The following ELFN2 variants were observed in gnomAD, a reference collection of about 807,000 sequenced individuals.
The protein encoded by ELFN2 is extracellular leucine rich repeat and fibronectin type III domain containing 2, also known as protein phosphatase 1 regulatory subunit 29.
Under a neutral mutation model 45.5 loss-of-function variants are expected in ELFN2, and 17 were observed. The ratio of observed to expected loss-of-function variants is 0.37; its 90% confidence interval spans 0.26 to 0.56. ELFN2 has a LOEUF of 0.56. ELFN2 is among the 20% of genes least tolerant of loss of function. The pLI is 0.77. For missense variants in ELFN2, 922 were observed against 1,183.2 expected, an observed-to-expected ratio of 0.78 and a Z score of 3.24; for synonymous variants, 550 against 551.5, an observed-to-expected ratio of 1.00 and a Z score of 0.04.
rs553578089 is a variant in ELFN2 at position 37,349,369 on chromosome 22, C to T, written n.149-6666G>A. Among the ~76,000 whole-genome samples the T allele has an allele frequency of 4.4e-4, 67 of 151,332 alleles. 1 individual carries two copies. The highest frequency in any genetic ancestry group is 1.6e-3 in the African/African-American group (66 of 41,510). On this transcript the variant is annotated intron_variant and non_coding_transcript_variant, in intron 1 of 2. Coordinates refer to ENST00000452946, the Ensembl canonical transcript of ELFN2. ...GGCCCAGCCCTGGGGATCCACGGTG[C>T]CCCCGGCCCAGATTCCCTGCACCTG...
intron 2 of ELFN2, among the ~76,000 whole-genome samples, chr22:37,403,749 G>A (rs1418633306): frequency 6.6e-6 from 1 of 152,230 alleles, no homozygotes; most frequent in Admixed American, 6.5e-5. Flanking sequence ...CCCAAACGAG[G>A]TCTCACACAG....
Position 37,418,119 on chromosome 22 carries a change from G to C in ELFN2, c.-613-200C>G, listed in dbSNP as rs60291349. Among the ~76,000 whole-genome samples, 705 of 152,238 alleles carry C rather than the reference G, an allele frequency of 4.6e-3. 27 individuals are homozygous for C. The East Asian group carries it at 0.1, about 22-fold the overall frequency. ...ACAGAGAGGAGGTAAAGGGAGAGGAGGAATGGAGGGAGATGGAAGAGAGAT... is the reference window on the plus strand; with the variant it reads ...ACAGAGAGGAGGTAAAGGGAGAGGACGAATGGAGGGAGATGGAAGAGAGAT... On this transcript the variant is annotated intron_variant, in intron 1 of 2. Transcript: ENST00000402918.
chr22:37,418,929 T>G (rs1311699615), intron 1 of ELFN2: 1 of 151,894 alleles, frequency 6.6e-6, no homozygotes, highest in Non-Finnish European at 1.5e-5. Context: ...GAACCTCGTC[T>G]CCATCTGCGC....
intron 1 of ELFN2, among the ~76,000 whole-genome samples, chr22:37,350,367 G>A (rs551499976): frequency 9.4e-5 from 14 of 149,448 alleles, no homozygotes; most frequent in Non-Finnish European, 1.7e-4. Context: ...CCTCTGGTAC[G>A]CAGTGTGCAG....
intron 2 of ELFN2, among the ~76,000 whole-genome samples, chr22:37,408,976 A>T (rs1224391598): frequency 6.6e-6 from 1 of 152,220 alleles, no homozygotes; most frequent in Non-Finnish European, 1.5e-5. Context: ...GGCAAGAGAC[A>T]GAGCTGCAAT....
At chr22:37,390,617 G>A (rs1421226045) in intron 2 of ELFN2, among the ~76,000 whole-genome samples, 1 of 152,172 alleles carries the variant, frequency 6.6e-6, no homozygotes, top group African/African-American at 2.4e-5. Flanking sequence ...AGCTGCAAAG[G>A]CCTGGGCAGG....
Position 37,400,371 on chromosome 22 carries a change from C to G in ELFN2, c.-463+17398G>C, listed in dbSNP as rs180762060. Among the ~76,000 whole-genome samples, 336 of 152,330 alleles carry G rather than the reference C, an allele frequency of 2.2e-3. 4 individuals are homozygous for G. The highest frequency in any genetic ancestry group is 7.9e-3 in the African/African-American group (327 of 41,582). Reference sequence around the variant, plus strand: ...GTCCCCTCCCCTCACCCCCGGAGGCCCACACACCTGTGCCTGAGGAGCACC... The same window carrying G: ...GTCCCCTCCCCTCACCCCCGGAGGCGCACACACCTGTGCCTGAGGAGCACC... On this transcript the variant is annotated intron_variant, in intron 2 of 2. Coordinates refer to ENST00000402918, the MANE Select transcript of ELFN2 (RefSeq NM_052906.5).
At chr22:37,365,347 G>A (rs2145625096), downstream of ELFN2, among the ~76,000 whole-genome samples, 1 of 152,286 alleles carries the variant, frequency 6.6e-6, no homozygotes, top group Admixed American at 6.5e-5. Context: ...TCCTGGCCCA[G>A]TAGCTACAAG....
At chr22:37,415,823 G>A (rs1300232194) in intron 2 of ELFN2, among the ~76,000 whole-genome samples, 7 of 152,136 alleles carry the variant, frequency 4.6e-5, no homozygotes, top group Admixed American at 2.6e-4. Context: ...TTAGCCAGGC[G>A]TGGTGGCACG....
chr22:37,373,260 G>A lies in ELFN2; in HGVS notation c.2275C>T (p.Pro759Ser). 6.2e-7 allele frequency: 1 copy of A among 1,613,868 alleles called. No homozygotes were observed. The highest frequency in any genetic ancestry group is 8.5e-7 in the Non-Finnish European group (1 of 1,179,996). ...RHYYSGYSSS[P>S]EYSSESTHKI... Reference sequence around the variant, plus strand: ...TGCGTGCTCTCGGATGAGTACTCGGGGCTGGAGGAGTACCCTGAGTAGTAG... The same window carrying A: ...TGCGTGCTCTCGGATGAGTACTCGGAGCTGGAGGAGTACCCTGAGTAGTAG... Residue 759 changes from proline to serine, a missense_variant, in exon 3 of 3, where the codon CCC becomes TCC. This residue lies in a region of ELFN2 where 564 missense variants were observed against 642.8 expected (regional missense o/e 0.88). Coordinates refer to ENST00000402918, the MANE Select transcript of ELFN2 (RefSeq NM_052906.5).
rs867529587 is a variant in ELFN2 at position 37,417,932 on chromosome 22, G to A, written c.-613-13C>T. The A allele has an allele frequency of 2.0e-5, 3 of 152,218 alleles. No individual in the cohort carries two copies. The highest frequency in any genetic ancestry group is 6.5e-5 in the Admixed American group (1 of 15,288). The allele number at this position is 152,218 out of a possible 1,614,324, so 9.4% of individuals were successfully genotyped here. On this transcript the variant is annotated splice_polypyrimidine_tract_variant and intron_variant, in intron 1 of 2. Transcript: ENST00000402918. The surrounding 1 kb of genome is among the most constrained non-coding windows in gnomAD (Gnocchi z 4.5). ...AAGTCCTCTCCTTCTGCAGGGAGGC[G>A]AGGGGGAGAGAGGGGAGGGAGGGAG...
At chr22:37,387,779 G>A (rs561729223) in intron 2 of ELFN2, among the ~76,000 whole-genome samples, 3 of 151,692 alleles carry the variant, frequency 2.0e-5, no homozygotes, top group South Asian at 4.2e-4. Flanking sequence ...TCTCAAACCC[G>A]CTTCCCCCTC....
At chr22:37,367,006 G>C (rs1015881858), downstream of ELFN2, among the ~76,000 whole-genome samples, 1 of 152,246 alleles carries the variant, frequency 6.6e-6, no homozygotes, top group Non-Finnish European at 1.5e-5. Context: ...CTAGGACACA[G>C]CTCCTGAAGA....
downstream of ELFN2, among the ~76,000 whole-genome samples, chr22:37,367,180 C>T (rs1406874724): frequency 6.6e-6 from 1 of 152,214 alleles, no homozygotes; most frequent in Non-Finnish European, 1.5e-5. Context: ...TGGGCTCTGC[C>T]TCTGGGAAGC....
intron 1 of ELFN2, among the ~76,000 whole-genome samples, chr22:37,362,719 A>G (rs1931119492): frequency 6.6e-6 from 1 of 152,082 alleles, no homozygotes; most frequent in South Asian, 2.1e-4. Context: ...CTTTCCCCCA[A>G]AGTGTAGAGC....
chr22:37,390,845 T>C (rs2145658114), intron 2 of ELFN2, among the ~76,000 whole-genome samples: 1 of 151,962 alleles, frequency 6.6e-6, no homozygotes, highest in Admixed American at 6.6e-5. Context: ...CAACACACAG[T>C]TTTCTGACCC....
Position 37,374,468 on chromosome 22 carries a change from T to C in ELFN2, c.1067A>G (p.Glu356Gly). Residue 356 changes from glutamate (E) to glycine (G), a missense_variant, in exon 3 of 3, where the codon GAG becomes GGG. Glu to Gly is a moderately conservative substitution (Grantham distance 98). Coordinates refer to ENST00000402918, the MANE Select transcript of ELFN2 (RefSeq NM_052906.5). ...VTLDKLRAHTEYTFCVTSLRN... is the reference protein window; with the variant it reads ...VTLDKLRAHTGYTFCVTSLRN... ...CAGCGAGGTCACGCAGAAGGTGTAC[T>C]CAGTGTGCGCCCGCAGTTTGTCCAG... 2 of 1,614,204 alleles carry C rather than the reference T, an allele frequency of 1.2e-6. No homozygotes were observed. Among genetic ancestry groups the C allele is most frequent in the South Asian group, 2.2e-5 (2 of 91,076 alleles).
At chr22:37,424,987 T>C (rs1158032312) in intron 1 of ELFN2, among the ~76,000 whole-genome samples, 1 of 150,596 alleles carries the variant, frequency 6.6e-6, no homozygotes, top group African/African-American at 2.5e-5. Flanking sequence ...CCCCTTCACC[T>C]CTCTAACCCC....
chr22:37,416,800 C>T (rs376449475), intron 2 of ELFN2, among the ~76,000 whole-genome samples: 3 of 152,080 alleles, frequency 2.0e-5, no homozygotes, highest in East Asian at 3.9e-4. Context: ...CTCCGTCCTC[C>T]GGGGCGCACC....
Sources: gnomAD v4.1 joint callset for allele counts (sites outside exome capture counted in the v4.1 genomes callset) on GRCh38, gnomAD v4.1.1 for gene constraint, gnomAD v4.1.1 regional missense constraint, Gnocchi (gnomAD v3.1) non-coding constraint, MANE v1.5 for transcripts, NCBI Gene and HGNC (gene_info 2026-07-23, HGNC 2026-07-21) for gene names.